The following PARD3B variants were observed in gnomAD, a reference collection of about 807,000 sequenced individuals.
PARD3B encodes partitioning defective 3 homolog B.
PARD3B carries 103 observed loss-of-function variants against 130.2 expected under a neutral mutation model. The observed-to-expected ratio is 0.79, with a 90% CI of 0.67 to 0.93. The LOEUF (loss-of-function observed/expected upper bound fraction) is 0.93, where lower values mean the gene tolerates loss of function less well. Ranked by LOEUF, PARD3B falls within the 40% of genes least tolerant of loss-of-function variation. The probability of loss-of-function intolerance (pLI) is 0.00; values close to 1 mark genes in which losing one functional copy is unlikely to be tolerated. For missense variants in PARD3B, 1,609 were observed against 1,499.2 expected (o/e 1.07, Z -1.21); for synonymous variants, 583 against 553.2 (o/e 1.05, Z -0.76).
chr2:205,261,881 C>G (rs1574533865), intron 16 of PARD3B, among the ~76,000 whole-genome samples: 1 of 152,098 alleles, frequency 6.6e-6, no homozygotes, highest in East Asian at 1.9e-4. Flanking sequence ...TTTTTGAACC[C>G]CTGGAATGCT....
chr2:205,226,128 G>A (rs1375265851), intron 15 of PARD3B, among the ~76,000 whole-genome samples: 6 of 152,150 alleles, frequency 3.9e-5, no homozygotes, highest in African/African-American at 1.2e-4. Flanking sequence ...TGCAAGCTCC[G>A]CCTCCCGGGT....
At position 205,125,757 on chromosome 2, in the gene PARD3B, C is replaced by A; in HGVS notation, c.1434+20C>A. 6.2e-7 allele frequency: 1 copy of A among 1,612,672 alleles called. No individual in the cohort carries two copies. Among genetic ancestry groups the A allele is most frequent in the Non-Finnish European group, 8.5e-7 (1 of 1,179,328 alleles). ...GAGTTGGTAATGTTCAGATCTCAGTCTCACTGAATTTTTAATGCCGAGCTT... is the reference window on the plus strand; with the variant it reads ...GAGTTGGTAATGTTCAGATCTCAGTATCACTGAATTTTTAATGCCGAGCTT... On this transcript the variant is annotated intron_variant, in intron 10 of 22. Coordinates refer to ENST00000406610, the MANE Select transcript of PARD3B (RefSeq NM_001302769.2). The surrounding 1 kb of genome is among the most constrained non-coding windows in gnomAD (Gnocchi z 4.0).
intron 2 of PARD3B, among the ~76,000 whole-genome samples, chr2:204,917,317 G>GT (rs2047483729): frequency 6.6e-6 from 1 of 152,182 alleles, no homozygotes; most frequent in Admixed American, 6.5e-5. Flanking sequence ...CTGGGAGGTT[G>GT]TGCAGGGTAG....
intron 20 of PARD3B, among the ~76,000 whole-genome samples, chr2:205,468,728 G>A (rs2048719669): frequency 6.6e-6 from 1 of 152,154 alleles, no homozygotes; most frequent in South Asian, 2.1e-4. Context: ...TGGGTCCAGT[G>A]TTCCTCAAAC....
chr2:204,901,757 G>A (rs11677540), intron 2 of PARD3B, among the ~76,000 whole-genome samples: 30,158 of 151,674 alleles, frequency 0.2, 3,545 homozygotes, highest in Non-Finnish European at 0.26. Flanking sequence ...CAGTGAGAAC[G>A]GCCTGGGTAC....
In PARD3B at chr2:205,325,085, C is replaced by T. The variant is rs933629399; in HGVS notation, c.2630+23384C>T. 6.6e-6 allele frequency among the ~76,000 whole-genome samples: 1 copy of T among 152,102 alleles called. No individual in the cohort carries two copies. The highest frequency in any genetic ancestry group is 1.5e-5 in the Non-Finnish European group (1 of 68,008). The stretch of plus-strand genomic sequence containing the variant: ...AGTTCAAATTCTCCTAATTTCTCCC[C>T]AAATTAAAGCAATGACCTTCTGAAT... On this transcript the variant is annotated intron_variant, in intron 18 of 22. Coordinates refer to ENST00000406610, the MANE Select transcript of PARD3B (RefSeq NM_001302769.2). This position sits in a 1 kb window ranked among gnomAD's most constrained non-coding sequence, Gnocchi z 4.1.
intron 21 of PARD3B, among the ~76,000 whole-genome samples, chr2:205,514,659 A>G (rs1245611113): frequency 6.6e-6 from 1 of 152,076 alleles, no homozygotes; most frequent in Non-Finnish European, 1.5e-5. Flanking sequence ...ATTTTAGTTT[A>G]ATAGTCAATG....
At chr2:205,130,841 G>C (rs16837003) in intron 10 of PARD3B, among the ~76,000 whole-genome samples, 8,924 of 152,194 alleles carry the variant, frequency 0.059, 299 homozygotes, top group African/African-American at 0.083. Context: ...TTGTCATGCT[G>C]CTTTGACCTT....
chr2:204,670,809 G>A (rs995867198), intron 1 of PARD3B, among the ~76,000 whole-genome samples: 3 of 152,014 alleles, frequency 2.0e-5, no homozygotes, highest in African/African-American at 4.8e-5. Context: ...TGGTTTTACT[G>A]GAGTTAATGA....
chr2:205,000,887 G>A (rs1243339012), intron 3 of PARD3B, among the ~76,000 whole-genome samples: 1 of 152,098 alleles, frequency 6.6e-6, no homozygotes, highest in African/African-American at 2.4e-5. Flanking sequence ...AGGGCCTTAG[G>A]GTTTTTTGGT....
In PARD3B at chr2:204,876,241, A is replaced by G. The variant is rs190381050; in HGVS notation, c.223-88911A>G. On this transcript the variant is annotated intron_variant, in intron 2 of 22. Transcript: ENST00000406610. ...TTTAATCTTTGCCTCATAAAATGCA[A>G]TAATCCAAAAGCTCATTTCCAGAAC... Among the ~76,000 whole-genome samples the G allele has an allele frequency of 9.1e-4, 138 of 152,366 alleles. 1 individual carries two copies. Among genetic ancestry groups the G allele is most frequent in the African/African-American group, 3.2e-3 (132 of 41,588 alleles).
intron 2 of PARD3B, among the ~76,000 whole-genome samples, chr2:204,848,435 TGTCA>T (rs2044557538): frequency 6.6e-6 from 1 of 152,132 alleles, no homozygotes; most frequent in Non-Finnish European, 1.5e-5. Flanking sequence ...GAATATCAGC[TGTCA>T]GCCTGGGCAA....
At chr2:204,859,134 T>G (rs1005933981) in intron 2 of PARD3B, among the ~76,000 whole-genome samples, 1 of 152,110 alleles carries the variant, frequency 6.6e-6, no homozygotes, top group Non-Finnish European at 1.5e-5. Flanking sequence ...AAGACCAATA[T>G]TTAATAGCCA....
intron 5 of PARD3B, among the ~76,000 whole-genome samples, chr2:205,110,755 A>G (rs1195083408): frequency 1.3e-5 from 2 of 150,776 alleles, no homozygotes; most frequent in African/African-American, 2.4e-5. Context: ...TTTTCTGGCT[A>G]CTATACTGTC....
In PARD3B at chr2:205,509,594, C is replaced by A. The variant is rs80291875; in HGVS notation, c.3180+9563C>A. Among the ~76,000 whole-genome samples the A allele has an allele frequency of 5.7e-3, 866 of 152,306 alleles. 5 individuals are homozygous for A. The highest frequency in any genetic ancestry group is 0.02 in the African/African-American group (816 of 41,558). ...CTCAGCAATACTCTGGGGGACAAAT[C>A]TGATCCATAAAGGTTGTAGGGATAG... On this transcript the variant is annotated intron_variant, in intron 21 of 22. Coordinates refer to ENST00000406610, the MANE Select transcript of PARD3B (RefSeq NM_001302769.2).
chr2:205,067,337 T>A (rs985204608), intron 4 of PARD3B, among the ~76,000 whole-genome samples: 3 of 151,806 alleles, frequency 2.0e-5, no homozygotes, highest in Admixed American at 6.6e-5. Context: ...ATTAAAAAAA[T>A]TTTTTTGTAG....
intron 15 of PARD3B, among the ~76,000 whole-genome samples, chr2:205,228,145 T>A (rs550766458): frequency 6.6e-6 from 1 of 152,320 alleles, no homozygotes; most frequent in East Asian, 1.9e-4. Flanking sequence ...CATGGCACAA[T>A]TACAATGTTT....
intron 3 of PARD3B, among the ~76,000 whole-genome samples, chr2:204,990,379 C>G (rs1693555723): frequency 6.6e-6 from 1 of 151,968 alleles, no homozygotes; most frequent in African/African-American, 2.4e-5. Context: ...TCAAACATAT[C>G]ATGTTTCTTT....
chr2:204,875,339 T>A (rs1195250075), intron 2 of PARD3B, among the ~76,000 whole-genome samples: 12 of 152,216 alleles, frequency 7.9e-5, no homozygotes, highest in Admixed American at 7.9e-4. Flanking sequence ...CGGCTTTATA[T>A]CTGTACACCT....
Sources: allele counts gnomAD v4.1 joint callset (sites outside exome capture counted in the v4.1 genomes callset), GRCh38; gene constraint gnomAD v4.1.1; non-coding constraint Gnocchi (gnomAD v3.1); transcripts MANE v1.5; gene names NCBI Gene and HGNC (gene_info 2026-07-23, HGNC 2026-07-21).